The following SIPA1L3 variants were observed in gnomAD, a reference collection of about 807,000 sequenced individuals.
SIPA1L3 encodes signal-induced proliferation-associated 1-like protein 3.
In SIPA1L3, 59 loss-of-function variants were observed where a neutral mutation model predicts 150.1. That is an observed-to-expected ratio of 0.39 (90% CI 0.32 to 0.49). The LOEUF (loss-of-function observed/expected upper bound fraction) is 0.49, where lower values mean the gene tolerates loss of function less well. SIPA1L3 is among the 20% of genes least tolerant of loss of function. SIPA1L3 has a pLI of 0.86. For synonymous variants in SIPA1L3, 1,070 were observed against 1,077.6 expected, an observed-to-expected ratio of 0.99 and a Z score of 0.14; for missense variants, 2,211 against 2,489.5, an observed-to-expected ratio of 0.89 and a Z score of 2.38.
intron 12 of SIPA1L3, 113 bp from the exon 13 acceptor site, chr19:38,152,727 G>T (rs1159129849): frequency 5.2e-6 from 6 of 1,153,052 alleles, no homozygotes; most frequent in Non-Finnish European, 7.2e-6. Flanking sequence ...ATCCACAGCG[G>T]AGCCTCCCGT....
chr19:38,089,126 C>T (rs1247502967), intron 4 of SIPA1L3, among the ~76,000 whole-genome samples: 2 of 151,984 alleles, frequency 1.3e-5, no homozygotes, highest in Non-Finnish European at 2.9e-5. Flanking sequence ...TCAAGACCAG[C>T]CTGACCAACA....
At chr19:37,915,776 C>T (rs2046409875) in intron 1 of SIPA1L3, among the ~76,000 whole-genome samples, 2 of 152,126 alleles carry the variant, frequency 1.3e-5, no homozygotes, top group African/African-American at 4.8e-5. Flanking sequence ...CTGTAAGGGC[C>T]CCAGGTCCCT....
At chr19:37,928,625 A>G (rs1178990579) in intron 1 of SIPA1L3, among the ~76,000 whole-genome samples, 1 of 152,128 alleles carries the variant, frequency 6.6e-6, no homozygotes, top group Non-Finnish European at 1.5e-5. Flanking sequence ...CCAGAGGGCT[A>G]GGTAAAACAC....
chr19:37,982,499 C>T (rs1164445910), intron 1 of SIPA1L3, among the ~76,000 whole-genome samples: 1 of 152,152 alleles, frequency 6.6e-6, no homozygotes, highest in Admixed American at 6.5e-5. Context: ...TCATGTAATC[C>T]TCGCAGTAGC....
intron 1 of SIPA1L3, among the ~76,000 whole-genome samples, chr19:37,958,574 TA>T (rs1315946531): frequency 1.3e-5 from 2 of 152,132 alleles, no homozygotes; most frequent in Non-Finnish European, 2.9e-5. Context: ...GAAGAAAACA[TA>T]AGATTATATA....
At chr19:38,010,079 C>G in intron 1 of SIPA1L3, among the ~76,000 whole-genome samples, 1 of 152,114 alleles carries the variant, frequency 6.6e-6, no homozygotes, top group Non-Finnish European at 1.5e-5. Context: ...CTGCTCAGCC[C>G]TCTCCCTCCA....
chr19:38,202,775 C>G (rs528864849), intron 20 of SIPA1L3, among the ~76,000 whole-genome samples: 1 of 152,198 alleles, frequency 6.6e-6, no homozygotes, highest in East Asian at 1.9e-4. Flanking sequence ...TGCCAGGTGC[C>G]GTGCTGGGCT....
At chr19:38,189,765 C>A (rs1972765216) in intron 16 of SIPA1L3, among the ~76,000 whole-genome samples, 2 of 151,258 alleles carry the variant, frequency 1.3e-5, no homozygotes, top group African/African-American at 2.4e-5. Context: ...GACCCTGTCT[C>A]AAAAAAAATA....
intron 1 of SIPA1L3, among the ~76,000 whole-genome samples, chr19:37,983,089 T>C (rs1411865936): frequency 6.6e-6 from 1 of 152,178 alleles, no homozygotes; most frequent in Non-Finnish European, 1.5e-5. Flanking sequence ...TGCATCTACT[T>C]CCCTTGGCCC....
At chr19:38,085,318 A>G (rs2145831279) in intron 3 of SIPA1L3, among the ~76,000 whole-genome samples, 1 of 152,140 alleles carries the variant, frequency 6.6e-6, no homozygotes, top group Admixed American at 6.5e-5. Context: ...GTCTCTACTA[A>G]AAATACAAAA....
At chr19:37,954,570 T>C (rs897595563) in intron 1 of SIPA1L3, among the ~76,000 whole-genome samples, 1 of 152,120 alleles carries the variant, frequency 6.6e-6, no homozygotes, top group African/African-American at 2.4e-5. Context: ...ATCTGAACAT[T>C]GCTTCCCTTG....
chr19:37,945,379 G>A (rs981706778), intron 1 of SIPA1L3, among the ~76,000 whole-genome samples: 6 of 151,984 alleles, frequency 3.9e-5, no homozygotes, highest in Non-Finnish European at 7.4e-5. Flanking sequence ...GACTACAGGC[G>A]TGTACCACCA....
At chr19:37,978,111 C>T (rs114516141) in intron 1 of SIPA1L3, among the ~76,000 whole-genome samples, 259 of 152,266 alleles carry the variant, frequency 1.7e-3, no homozygotes, top group African/African-American at 5.9e-3. Flanking sequence ...GCAGCCTGTC[C>T]GGTGTGACAG....
At chr19:38,124,783 C>T (rs1377771821) in intron 9 of SIPA1L3, among the ~76,000 whole-genome samples, 8 of 152,204 alleles carry the variant, frequency 5.3e-5, no homozygotes, top group Non-Finnish European at 1.2e-4. Context: ...GCGGATCACT[C>T]GCGGTTAGGA....
intron 16 of SIPA1L3, among the ~76,000 whole-genome samples, chr19:38,183,524 G>T (rs1972608581): frequency 6.6e-6 from 1 of 152,162 alleles, no homozygotes; most frequent in Non-Finnish European, 1.5e-5. Flanking sequence ...TGGGGAGCAG[G>T]CTTGGGGAAG....
In SIPA1L3 at chr19:38,029,514, T is replaced by C. The variant is rs149564380; in HGVS notation, c.-311+358T>C. On this transcript the variant is annotated intron_variant, in intron 2 of 21. Coordinates refer to ENST00000222345, the MANE Select transcript of SIPA1L3 (RefSeq NM_015073.3). ...CTCATGAGCATACCTCAGCATATCA[T>C]ACATTTCATATACTTTTATTTTTTC... Among the ~76,000 whole-genome samples the C allele has an allele frequency of 1.8e-3, 269 of 152,364 alleles. 2 individuals carry two copies. In the East Asian group the frequency reaches 0.019, roughly 11 times the overall value.
intron 2 of SIPA1L3, among the ~76,000 whole-genome samples, chr19:38,059,484 C>G (rs1969402805): frequency 6.6e-6 from 1 of 151,802 alleles, no homozygotes; most frequent in Admixed American, 6.6e-5. Context: ...TTGTATTTTT[C>G]ATAGAGATGG....
chr19:38,110,455 A>T, intron 8 of SIPA1L3, 71 bp downstream of exon 8: 2 of 1,344,060 alleles, frequency 1.5e-6, no homozygotes, highest in Non-Finnish European at 2.1e-6. Context: ...AGTGGGTCCC[A>T]GTACAGGGCC....
At chr19:38,138,424 A>G (rs181045591) in intron 10 of SIPA1L3, among the ~76,000 whole-genome samples, 1 of 152,292 alleles carries the variant, frequency 6.6e-6, no homozygotes, top group Non-Finnish European at 1.5e-5. Context: ...TGGCGCCGCA[A>G]AAGAGAGTCT....
Sources: allele counts gnomAD v4.1 joint callset (sites outside exome capture counted in the v4.1 genomes callset), GRCh38; gene constraint gnomAD v4.1.1; transcripts MANE v1.5; gene names NCBI Gene and HGNC (gene_info 2026-07-23, HGNC 2026-07-21).